Variants in CDC23 observed in about 807,000 individuals in gnomAD.
CDC23 encodes the protein cell division cycle protein 23 homolog.
A neutral mutation model predicts 81.7 loss-of-function variants in CDC23; 26 were observed. The ratio of observed to expected loss-of-function variants is 0.32; its 90% CI spans 0.23 to 0.44. CDC23 has a LOEUF of 0.44. CDC23 is among the 20% of genes least tolerant of loss of function. The pLI, the probability that CDC23 is intolerant of heterozygous loss-of-function variation, is 1.00. For synonymous variants in CDC23, 267 were observed against 270.8 expected (o/e 0.99, Z 0.14); for missense variants, 519 against 728.0 (o/e 0.71, Z 3.30).
intron 9 of CDC23, among the ~76,000 whole-genome samples, chr5:138,195,620 T>A (rs1754883895): frequency 8.5e-6 from 1 of 117,376 alleles, no homozygotes; most frequent in Non-Finnish European, 1.7e-5. Flanking sequence ...TATTTATATA[T>A]AAATATAAAT....
At chr5:138,206,459 T>C (rs754522646) in intron 3 of CDC23, 88 bp downstream of exon 3, 1 of 1,364,754 alleles carries the variant, frequency 7.3e-7, no homozygotes, top group Non-Finnish European at 1.0e-6. Context: ...GGCCCACTGC[T>C]AAGCTATTTA....
intron 6 of CDC23, among the ~76,000 whole-genome samples, chr5:138,199,708 G>A (rs577433976): frequency 1.1e-4 from 16 of 152,332 alleles, no homozygotes; most frequent in Admixed American, 3.3e-4. Context: ...CGTTAATAGC[G>A]ATGCTAGTAA....
chr5:138,191,910 A>G lies in CDC23; in HGVS notation c.1314T>C (p.Ala438=). The G allele has an allele frequency of 6.8e-6, 11 of 1,614,156 alleles. No individual in the cohort carries two copies. Among genetic ancestry groups the G allele is most frequent in the African/African-American group, 1.3e-5 (1 of 75,040 alleles). ...LRPNDSRMLV[A]LGECYEKLNQ... ...TGAGTTTCTCGTAACATTCTCCTAA[A>G]GCAACCAGCATGCGAGAATCATTGG... Residue 438 remains alanine (A), a synonymous_variant, in exon 12 of 16, where the codon GCT becomes GCC. Transcript: ENST00000394886.
chr5:138,189,589 T>G, intron 15 of CDC23, 44 bp downstream of exon 15: 1 of 1,586,228 alleles, frequency 6.3e-7, no homozygotes, highest in Non-Finnish European at 8.6e-7. Context: ...TATCTTATGT[T>G]CTAGCCTAAA....
chr5:138,191,567 A>T, intron 12 of CDC23, 32 bp from the exon 13 acceptor site: 1 of 1,594,816 alleles, frequency 6.3e-7, no homozygotes, highest in Non-Finnish European at 8.6e-7. Context: ...CATTTTGACC[A>T]TTGTCCCATG....
chr5:138,189,241 A>C, intron 15 of CDC23, 93 bp from the exon 16 acceptor site: 4 of 1,232,432 alleles, frequency 3.2e-6, no homozygotes, highest in Non-Finnish European at 4.6e-6. Flanking sequence ...TCCACAGATC[A>C]AGGAGGCGGG....
rs570016553 is a variant in CDC23 at position 138,191,350 on chromosome 5, C to T, written c.1424+124G>A. On this transcript the variant is annotated intron_variant, in intron 13 of 15. Coordinates refer to ENST00000394886, the MANE Select transcript of CDC23 (RefSeq NM_004661.4). Reference sequence around the variant, plus strand: ...CTACATTCACAAACCAGCATTCACACACCCTGCTACATCCCTACACCTATG... The same window carrying T: ...CTACATTCACAAACCAGCATTCACATACCCTGCTACATCCCTACACCTATG... The T allele has an allele frequency of 1.2e-5, 10 of 858,920 alleles. No homozygotes were observed. The South Asian group carries it at 1.2e-4, about 10-fold the overall frequency. The allele number at this position is 858,920 out of a possible 1,614,324, so 53.2% of individuals were successfully genotyped here. A position where few individuals can be genotyped will look rare whatever the true frequency, so the allele number is the denominator to read the frequency against.
chr5:138,195,273 C>T (rs749665156), intron 9 of CDC23, among the ~76,000 whole-genome samples: 5 of 150,956 alleles, frequency 3.3e-5, no homozygotes, highest in Non-Finnish European at 5.9e-5. Context: ...AAAGGTACAG[C>T]AAGCAAAAGA....
chr5:138,193,282 C>A (rs555675210), intron 9 of CDC23, among the ~76,000 whole-genome samples: 7 of 152,042 alleles, frequency 4.6e-5, no homozygotes, highest in African/African-American at 1.7e-4. Flanking sequence ...AAACTATATT[C>A]CTTGGAGCCT....
intron 4 of CDC23, among the ~76,000 whole-genome samples, chr5:138,201,681 A>G (rs1754991204): frequency 6.6e-6 from 1 of 152,104 alleles, no homozygotes. Flanking sequence ...CTTTAGCATC[A>G]ACGAAAGTTA....
chr5:138,201,208 C>A lies in CDC23; in HGVS notation c.553G>T (p.Val185Phe). The A allele has an allele frequency of 6.2e-7, 1 of 1,614,162 alleles. No homozygotes were observed. The highest frequency in any genetic ancestry group is 1.1e-5 in the South Asian group (1 of 91,072). ...YGVVLRKLDLVKEAIDVFVEA... is the reference protein window; with the variant it reads ...YGVVLRKLDLFKEAIDVFVEA... Reference sequence around the variant, plus strand: ...ACAAACACATCAATGGCCTCTTTAACCAAGTCCAGTTTTCGAAGCACCACA... The same window carrying A: ...ACAAACACATCAATGGCCTCTTTAAACAAGTCCAGTTTTCGAAGCACCACA... Residue 185 changes from valine to phenylalanine, a missense_variant, in exon 6 of 16, where the codon GTT becomes TTT. Physicochemically the swap from Val to Phe is conservative, Grantham distance 50. This residue lies in a region of CDC23 where 180 missense variants were observed against 239.3 expected (regional missense o/e 0.75). Coordinates refer to ENST00000394886, the MANE Select transcript of CDC23 (RefSeq NM_004661.4).
Position 138,212,975 on chromosome 5 carries a change from G to C in CDC23, c.234+16C>G, listed in dbSNP as rs759274475. 61 of 1,611,318 alleles carry C rather than the reference G, an allele frequency of 3.8e-5. No homozygotes were observed. Among genetic ancestry groups the C allele is most frequent in the Non-Finnish European group, 4.8e-5 (57 of 1,177,696 alleles). ...CCTGGGTTGATGGGGAGCGCTCACT[G>C]TAAACATGTCCTTACCTCTGTAATA... On this transcript the variant is annotated intron_variant, in intron 2 of 15. Coordinates refer to ENST00000394886, the MANE Select transcript of CDC23 (RefSeq NM_004661.4).
chr5:138,194,023 C>G (rs913944745), intron 9 of CDC23, among the ~76,000 whole-genome samples: 3 of 151,562 alleles, frequency 2.0e-5, no homozygotes, highest in Non-Finnish European at 4.4e-5. Flanking sequence ...CAGTTCTATT[C>G]TCATTGGTCT....
chr5:138,200,048 A>G (rs919660430), intron 6 of CDC23, among the ~76,000 whole-genome samples: 2 of 152,256 alleles, frequency 1.3e-5, no homozygotes, highest in African/African-American at 4.8e-5. Flanking sequence ...AACTTAGTAT[A>G]CATTATTTCT....
In CDC23 at chr5:138,189,673, T is replaced by C; in HGVS notation, c.1583A>G (p.Glu528Gly). 4 of 1,614,040 alleles carry C rather than the reference T, an allele frequency of 2.5e-6. No homozygotes were observed. Among genetic ancestry groups the C allele is most frequent in the Non-Finnish European group, 2.5e-6 (3 of 1,179,922 alleles). The change falls in exon 15 of 16, where the codon GAA becomes GGA. Residue 528 changes from glutamate (E) to glycine (G), a missense_variant. Transcript: ENST00000394886. ...QYYFKCKLWD[E>G]ASTCAQKCCA... ...ACACTTTTGTGCACAAGTTGAAGCT[T>C]CATCCCACAGTTTGCACTTAAAATA...
chr5:138,192,442 T>C, intron 10 of CDC23, 54 bp from the exon 11 acceptor site: 1 of 1,613,880 alleles, frequency 6.2e-7, no homozygotes, highest in South Asian at 1.1e-5. Flanking sequence ...GTTGGCAACT[T>C]GCAGGCTTAG....
chr5:138,190,466 G>T (rs964062967), intron 13 of CDC23, among the ~76,000 whole-genome samples: 15 of 61,886 alleles, frequency 2.4e-4, no homozygotes, highest in Non-Finnish European at 3.1e-4. Flanking sequence ...TCCAAAAAAA[G>T]AAAAAAAAAA....
chr5:138,204,338 C>T (rs1755023358), intron 3 of CDC23, among the ~76,000 whole-genome samples: 1 of 151,934 alleles, frequency 6.6e-6, no homozygotes, highest in Non-Finnish European at 1.5e-5. Context: ...AACCCCATCT[C>T]TACTAAAATT....
intron 9 of CDC23, among the ~76,000 whole-genome samples, chr5:138,195,713 A>AATATATATGTATATATATACATATG (rs1561634098): frequency 1.6e-5 from 1 of 64,190 alleles, no homozygotes; most frequent in Non-Finnish European, 3.3e-5. Context: ...ATATACATAT[A>AATATATATGTATATATATACATATG]ATATATATGT....
Sources: gnomAD v4.1 joint callset for allele counts (sites outside exome capture counted in the v4.1 genomes callset) on GRCh38, gnomAD v4.1.1 for gene constraint, gnomAD v4.1.1 regional missense constraint, MANE v1.5 for transcripts, NCBI Gene and HGNC (gene_info 2026-07-23, HGNC 2026-07-21) for gene names.